The following IL12RB2 variants were observed in gnomAD, a reference collection of about 807,000 sequenced individuals.
IL12RB2 encodes the protein interleukin 12 receptor subunit beta 2, also known as interleukin-12 receptor subunit beta-2.
A neutral mutation model predicts 89.4 loss-of-function variants in IL12RB2; 82 were observed. The observed-to-expected ratio is 0.92, with a 90% CI of 0.77 to 1.10. The LOEUF (loss-of-function observed/expected upper bound fraction) is 1.10, where lower values mean the gene tolerates loss of function less well. Among genes scored for constraint, IL12RB2 ranks in the 50% least tolerant of loss-of-function variants. IL12RB2 has a pLI of 0.00. For missense variants in IL12RB2, 963 were observed against 1,031.9 expected (o/e 0.93, Z 0.92); for synonymous variants, 368 against 370.1 (o/e 0.99, Z 0.07).
At chr1:67,328,444 C>T in intron 6 of IL12RB2, 60 bp downstream of exon 6, 1 of 1,608,438 alleles carries the variant, frequency 6.2e-7, no homozygotes, top group African/African-American at 1.3e-5. Context: ...TCACTCAAAT[C>T]TTTTTTATAT....
chr1:67,367,844 G>T lies in IL12RB2; in HGVS notation c.1278G>T (p.Gln426His), dbSNP rs2307145. 6.3e-7 allele frequency: 1 copy of T among 1,596,114 alleles called. No homozygotes were observed. The highest frequency in any genetic ancestry group is 8.6e-7 in the Non-Finnish European group (1 of 1,163,730). ...ATAAAGGGTTGCTGGCTCCTCGCCA[G>T]GTCTCTGCAAACTCAGAGGGCATGG... is the stretch of plus-strand genomic sequence containing the variant. ...LCEAGLLAPR[Q>H]VSANSEGMDN... Residue 426 changes from glutamine (Q) to histidine (H), a missense_variant, in exon 11 of 17, where the codon CAG (glutamine) becomes CAT (histidine). Transcript: ENST00000674203.
intron 8 of IL12RB2, among the ~76,000 whole-genome samples, chr1:67,332,080 G>C (rs1658168982): frequency 6.6e-6 from 1 of 152,108 alleles, no homozygotes; most frequent in African/African-American, 2.4e-5. Flanking sequence ...GCTACTAATG[G>C]CTTTTGATAA....
At chr1:67,354,632 C>T (rs1661188207) in intron 10 of IL12RB2, among the ~76,000 whole-genome samples, 1 of 152,182 alleles carries the variant, frequency 6.6e-6, no homozygotes, top group African/African-American at 2.4e-5. Context: ...CTGAGCCATT[C>T]AACACAAGTA....
intron 13 of IL12RB2, among the ~76,000 whole-genome samples, chr1:67,373,003 A>T (rs1354810501): frequency 1.3e-5 from 2 of 152,252 alleles, no homozygotes; most frequent in African/African-American, 4.8e-5. Flanking sequence ...GTGCCAAGCA[A>T]ATTGCTAAGG....
intron 2 of IL12RB2, among the ~76,000 whole-genome samples, chr1:67,316,459 T>C (rs1196392561): frequency 6.6e-6 from 1 of 151,422 alleles, no homozygotes; most frequent in Non-Finnish European, 1.5e-5. Flanking sequence ...TGTGTTAATG[T>C]CACTCGTAGC....
Position 67,320,313 on chromosome 1 carries a change from A to G in IL12RB2, c.-36-20A>G. The G allele has an allele frequency of 6.2e-7, 1 of 1,613,392 alleles. No individual in the cohort carries two copies. Among genetic ancestry groups the G allele is most frequent in the South Asian group, 1.1e-5 (1 of 91,046 alleles). On this transcript the variant is annotated intron_variant, in intron 2 of 16. Coordinates refer to ENST00000674203, the MANE Select transcript of IL12RB2 (RefSeq NM_001374259.2). ...TTTCTGAACATATTTAACATGAATG[A>G]ATTTGTCTTCTTTTGCAAGGAAGAA...
At chr1:67,330,597 T>G in intron 7 of IL12RB2, 63 bp from the exon 8 acceptor site, 1 of 830,904 alleles carries the variant, frequency 1.2e-6, no homozygotes, top group Non-Finnish European at 2.1e-6. Flanking sequence ...TCATTTTATG[T>G]TAAAATTCCT....
At chr1:67,362,295 G>A (rs1372907519) in intron 10 of IL12RB2, among the ~76,000 whole-genome samples, 26 of 151,214 alleles carry the variant, frequency 1.7e-4, no homozygotes, top group African/African-American at 4.9e-4. Flanking sequence ...GGCCGGGCGC[G>A]GTGGCTCACG....
At chr1:67,375,721 C>A (rs1663887951) in intron 13 of IL12RB2, among the ~76,000 whole-genome samples, 1 of 152,106 alleles carries the variant, frequency 6.6e-6, no homozygotes. Flanking sequence ...AGGGAGGAAC[C>A]CAGGTATCTG....
intron 9 of IL12RB2, among the ~76,000 whole-genome samples, chr1:67,343,819 C>T (rs1481988211): frequency 6.6e-6 from 1 of 152,156 alleles, no homozygotes; most frequent in Non-Finnish European, 1.5e-5. Flanking sequence ...TTGATCATAG[C>T]AAATCACAAA....
rs561368997 is a variant in IL12RB2 at position 67,398,162 on chromosome 1, C to A, written c.*2073C>A. Among the ~76,000 whole-genome samples, 1 of 152,140 alleles carries A rather than the reference C, an allele frequency of 6.6e-6. No individual in the cohort carries two copies. The highest frequency in any genetic ancestry group is 1.9e-4 in the East Asian group (1 of 5,198). On this transcript the variant is annotated 3_prime_UTR_variant, in exon 17 of 17. Transcript: ENST00000674203. Reference sequence around the variant, plus strand: ...CCAATGGTTCCTTTCCTCTCAGCATCGCTGTAGCTTGCCTGTACCCAGGAC... The same window carrying A: ...CCAATGGTTCCTTTCCTCTCAGCATAGCTGTAGCTTGCCTGTACCCAGGAC...
chr1:67,396,380 G>A lies in IL12RB2; in HGVS notation c.*291G>A. The A allele has an allele frequency of 2.0e-6, 1 of 511,346 alleles. No homozygotes were observed. The highest frequency in any genetic ancestry group is 3.6e-6 in the Non-Finnish European group (1 of 279,922). 31.7% of individuals were successfully genotyped at this position (511,346 alleles called of 1,614,324 possible). ...CTTTCTTGGTATGCTGGCCAGAAAG[G>A]GAAATGAGGAGGAGAGTAGAAACCA... On this transcript the variant is annotated 3_prime_UTR_variant, in exon 17 of 17. Coordinates refer to ENST00000674203, the MANE Select transcript of IL12RB2 (RefSeq NM_001374259.2).
Position 67,321,606 on chromosome 1 carries a change from G to A in IL12RB2, c.81G>A (p.Ala27=), listed in dbSNP as rs571957942. The change falls in exon 4 of 17, where the codon GCG becomes GCA. Residue 27 remains alanine, a synonymous_variant. Transcript: ENST00000674203. The part of the protein sequence containing the change: ...TWLLIKAKID[A]CKRGDVTVKP... ...TGCATCTGTATCTTATTGCAGATGC[G>A]TGCAAGAGAGGCGATGTGACTGTGA... is the stretch of plus-strand genomic sequence containing the variant. 8.8e-6 allele frequency: 14 copies of A among 1,592,840 alleles called. No homozygotes were observed. Among genetic ancestry groups the A allele is most frequent in the South Asian group, 1.1e-5 (1 of 90,606 alleles).
At chr1:67,335,797 T>G (rs1658687571) in intron 8 of IL12RB2, among the ~76,000 whole-genome samples, 1 of 152,222 alleles carries the variant, frequency 6.6e-6, no homozygotes, top group Non-Finnish European at 1.5e-5. Flanking sequence ...CCCCTGGTCA[T>G]GAAATGTTAC....
chr1:67,378,192 GC>G (rs1164706035), intron 13 of IL12RB2, among the ~76,000 whole-genome samples: 1 of 152,040 alleles, frequency 6.6e-6, no homozygotes, highest in African/African-American at 2.4e-5. Context: ...GTTGACACAG[GC>G]TACTTCTGCT....
chr1:67,395,478 C>T, intron 16 of IL12RB2, 69 bp from the exon 17 acceptor site: 1 of 1,613,122 alleles, frequency 6.2e-7, no homozygotes. Context: ...CCTTTGGGAA[C>T]CCTGGAGAAA....
intron 4 of IL12RB2, among the ~76,000 whole-genome samples, chr1:67,325,804 C>A (rs1657205169): frequency 6.6e-6 from 1 of 151,958 alleles, no homozygotes; most frequent in African/African-American, 2.4e-5. Flanking sequence ...TTTATCTAAC[C>A]TAAAGGAAAT....
intron 4 of IL12RB2, among the ~76,000 whole-genome samples, chr1:67,324,236 G>C (rs1359421201): frequency 6.6e-6 from 1 of 152,166 alleles, no homozygotes; most frequent in African/African-American, 2.4e-5. Context: ...TTGTTTGTTT[G>C]TTTTGAGATG....
Position 67,328,326 on chromosome 1 carries a change from T to C in IL12RB2, c.606T>C (p.Ala202=). 1 of 1,614,210 alleles carries C rather than the reference T, an allele frequency of 6.2e-7. No homozygotes were observed. The highest frequency in any genetic ancestry group is 1.1e-5 in the South Asian group (1 of 91,088). Residue 202 remains alanine, a synonymous_variant, in exon 6 of 17, where the codon GCT becomes GCC. Transcript: ENST00000674203. Reference sequence around the variant, plus strand: ...CCAATTTCACAGCCAAGGTTACTGCTGTCAATAGTCTTGGAAGCTCCTCTT... The same window carrying C: ...CCAATTTCACAGCCAAGGTTACTGCCGTCAATAGTCTTGGAAGCTCCTCTT... ...PESNFTAKVT[A]VNSLGSSSSL... is the part of the protein sequence containing the mutation.
Sources: allele counts gnomAD v4.1 joint callset (sites outside exome capture counted in the v4.1 genomes callset), GRCh38; gene constraint gnomAD v4.1.1; transcripts MANE v1.5; gene names NCBI Gene and HGNC (gene_info 2026-07-23, HGNC 2026-07-21).